Variants in SDHAF3 observed in about 807,000 individuals in gnomAD.
SDHAF3 encodes the protein succinate dehydrogenase assembly factor 3, mitochondrial.
SDHAF3 carries 18 observed loss-of-function variants against 11.5 expected under a neutral mutation model. The observed-to-expected ratio is 1.56, with a 90% CI of 1.08 to 2.32. The LOEUF (loss-of-function observed/expected upper bound fraction) is 2.32, where lower values mean the gene tolerates loss of function less well. Among genes scored for constraint, SDHAF3 ranks in the 30% most tolerant of loss-of-function variants. The pLI, the probability that SDHAF3 is intolerant of heterozygous loss-of-function variation, is 0.00. For synonymous variants in SDHAF3, 72 were observed against 59.3 expected (o/e 1.21, Z -0.99); for missense variants, 200 against 154.4 (o/e 1.30, Z -1.57).
At chr7:97,159,392 C>T (rs574773855) in intron 1 of SDHAF3, among the ~76,000 whole-genome samples, 3 of 152,324 alleles carry the variant, frequency 2.0e-5, no homozygotes, top group South Asian at 2.1e-4. Flanking sequence ...ATTCACCAGA[C>T]TTTCCTCCCA....
At chr7:97,162,682 C>T (rs192487399) in intron 1 of SDHAF3, among the ~76,000 whole-genome samples, 24 of 152,278 alleles carry the variant, frequency 1.6e-4, no homozygotes, top group Middle Eastern at 3.4e-3. Context: ...TGTTCAGTTT[C>T]CATGTAGTTG....
chr7:97,130,045 T>TG (rs1410481691), intron 1 of SDHAF3, among the ~76,000 whole-genome samples: 2 of 152,012 alleles, frequency 1.3e-5, no homozygotes, highest in African/African-American at 4.8e-5. Flanking sequence ...CCCGAAAACT[T>TG]GGAGATGCGA....
At chr7:97,158,975 T>C (rs1789354414) in intron 1 of SDHAF3, among the ~76,000 whole-genome samples, 1 of 152,208 alleles carries the variant, frequency 6.6e-6, no homozygotes, top group Non-Finnish European at 1.5e-5. Flanking sequence ...CTGTTAGCAA[T>C]TCAATGGTAT....
intron 1 of SDHAF3, among the ~76,000 whole-genome samples, chr7:97,133,822 G>A (rs569060901): frequency 2.0e-5 from 3 of 152,142 alleles, no homozygotes; most frequent in Non-Finnish European, 4.4e-5. Context: ...TGCTTTCAGA[G>A]CTCTAAAACA....
chr7:97,163,929 A>G (rs1052447549), intron 1 of SDHAF3, among the ~76,000 whole-genome samples: 1 of 151,292 alleles, frequency 6.6e-6, no homozygotes, highest in Non-Finnish European at 1.5e-5. Context: ...TTGGCTGTAT[A>G]TGAAATTTTG....
intron 1 of SDHAF3, among the ~76,000 whole-genome samples, chr7:97,156,531 GTTAGT>G (rs1252017340): frequency 6.6e-6 from 1 of 152,066 alleles, no homozygotes; most frequent in East Asian, 1.9e-4. Context: ...CATTTTAGGG[GTTAGT>G]TTAATTAAAC....
At chr7:97,124,137 C>T (rs571465583) in intron 1 of SDHAF3, among the ~76,000 whole-genome samples, 1 of 152,208 alleles carries the variant, frequency 6.6e-6, no homozygotes, top group East Asian at 1.9e-4. Context: ...TTAGGTTTTA[C>T]GATTAAGTCT....
At chr7:97,134,532 C>T (rs977770355) in intron 1 of SDHAF3, among the ~76,000 whole-genome samples, 1 of 152,114 alleles carries the variant, frequency 6.6e-6, no homozygotes, top group Non-Finnish European at 1.5e-5. Context: ...CTGCAACCTC[C>T]ACCTCCCAGG....
At chr7:97,128,209 T>G (rs2115629330) in intron 1 of SDHAF3, among the ~76,000 whole-genome samples, 1 of 152,338 alleles carries the variant, frequency 6.6e-6, no homozygotes, top group South Asian at 2.1e-4. Flanking sequence ...GGTCCTTAAC[T>G]AATGGTTTAA....
chr7:97,179,435 C>G (rs1457365311), intron 1 of SDHAF3, among the ~76,000 whole-genome samples: 1 of 150,414 alleles, frequency 6.6e-6, no homozygotes, highest in Admixed American at 6.6e-5. Context: ...GAGTAAATTT[C>G]AGTGTATTTG....
intron 1 of SDHAF3, among the ~76,000 whole-genome samples, chr7:97,130,307 T>C (rs1203554732): frequency 1.3e-5 from 2 of 148,256 alleles, no homozygotes; most frequent in Non-Finnish European, 1.5e-5. Context: ...AGAAAACATA[T>C]ATGTGTGACA....
At chr7:97,121,649 C>T (rs1442638775) in intron 1 of SDHAF3, among the ~76,000 whole-genome samples, 1 of 152,056 alleles carries the variant, frequency 6.6e-6, no homozygotes, top group Non-Finnish European at 1.5e-5. Flanking sequence ...AAAGGATAGA[C>T]AATTGTAATA....
intron 1 of SDHAF3, among the ~76,000 whole-genome samples, chr7:97,177,526 A>AAATTT (rs551099081): frequency 2.6e-3 from 397 of 152,282 alleles, no homozygotes; most frequent in African/African-American, 9.1e-3. Flanking sequence ...ATACCCATTA[A>AAATTT]AATTTATTTT....
At position 97,158,330 on chromosome 7, in the gene SDHAF3, TTTTG is replaced by T. The variant is rs1457485886; in HGVS notation, c.175-22669_175-22666del. 6.6e-5 allele frequency among the ~76,000 whole-genome samples: 10 copies of T among 152,232 alleles called. 1 individual carries two copies. The highest frequency in any genetic ancestry group is 1.2e-4 in the African/African-American group (5 of 41,542). On this transcript the variant is annotated intron_variant, in intron 1 of 1. Coordinates refer to ENST00000432641, the MANE Select transcript of SDHAF3 (RefSeq NM_020186.3). ...TATAAACATCTTAGTTTCCCCGTGT[TTTTG>T]TTTGTTTGTTTGAGACAAAGTCTCA... is the stretch of plus-strand genomic sequence containing the variant.
At chr7:97,168,255 TA>T (rs1789544838) in intron 1 of SDHAF3, among the ~76,000 whole-genome samples, 1 of 152,192 alleles carries the variant, frequency 6.6e-6, no homozygotes, top group South Asian at 2.1e-4. Context: ...GCATCAATCT[TA>T]AGTTTCACAA....
intron 1 of SDHAF3, among the ~76,000 whole-genome samples, chr7:97,156,969 C>T (rs1049320727): frequency 6.6e-6 from 1 of 152,108 alleles, no homozygotes; most frequent in Admixed American, 6.6e-5. Flanking sequence ...TATCCCTCCC[C>T]CAGTCCCCCA....
rs565541274 is a variant in SDHAF3 at position 97,172,623 on chromosome 7, G to T, written c.175-8389G>T. On this transcript the variant is annotated intron_variant, in intron 1 of 1. Transcript: ENST00000432641. Reference sequence around the variant, plus strand: ...TGCCACTTTGGTTCTAGCCTGTGGGGAATTTCAATGATTTACATTATAAAT... The same window carrying T: ...TGCCACTTTGGTTCTAGCCTGTGGGTAATTTCAATGATTTACATTATAAAT... Among the ~76,000 whole-genome samples the T allele has an allele frequency of 2.0e-5, 3 of 152,218 alleles. No individual in the cohort carries two copies. The East Asian group carries it at 5.8e-4, about 29-fold the overall frequency.
At chr7:97,135,980 C>T (rs1452213778) in intron 1 of SDHAF3, among the ~76,000 whole-genome samples, 5 of 152,102 alleles carry the variant, frequency 3.3e-5, no homozygotes, top group African/African-American at 9.6e-5. Context: ...AGCCACCATG[C>T]CCGGGCTAGT....
At chr7:97,177,066 T>G (rs1471836504) in intron 1 of SDHAF3, among the ~76,000 whole-genome samples, 1 of 152,156 alleles carries the variant, frequency 6.6e-6, no homozygotes, top group African/African-American at 2.4e-5. Context: ...TTTAAACTTT[T>G]AAAAAAGATT....
Sources: allele counts gnomAD v4.1 joint callset (sites outside exome capture counted in the v4.1 genomes callset), GRCh38; gene constraint gnomAD v4.1.1; transcripts MANE v1.5; gene names NCBI Gene and HGNC (gene_info 2026-07-23, HGNC 2026-07-21).